MALRD1: variants seen among roughly 807,000 people sequenced by gnomAD.
MALRD1 encodes MAM and LDL-receptor class A domain-containing protein 1.
A neutral mutation model predicts 242.1 loss-of-function variants in MALRD1; 247 were observed. The observed-to-expected ratio is 1.02, with a 90% confidence interval of 0.92 to 1.13. The LOEUF is 1.13. Ranked by LOEUF, MALRD1 falls within the 50% of genes most tolerant of loss-of-function variation. MALRD1 has a pLI of 0.00. For synonymous variants in MALRD1, 995 were observed against 866.6 expected, an observed-to-expected ratio of 1.15 and a Z score of -2.60; for missense variants, 2,989 against 2,533.1, an observed-to-expected ratio of 1.18 and a Z score of -3.86.
In MALRD1 at chr10:19,205,182, G is replaced by A. The variant is rs1266754856; in HGVS notation, c.2495G>A (p.Arg832His). The A allele has an allele frequency of 5.5e-5, 86 of 1,550,726 alleles. No individual in the cohort carries two copies. The highest frequency in any genetic ancestry group is 6.9e-5 in the Non-Finnish European group (79 of 1,147,060). The part of the protein sequence containing the change: ...SCEGLDHFWC[R>H]HTRACIEKLR... The stretch of plus-strand genomic sequence containing the variant: ...GAAGGGCTGGATCATTTCTGGTGTC[G>A]CCACACCAGGGCTTGCATAGAAAAG... The change falls in exon 17 of 40, where the codon CGC becomes CAC. Residue 832 changes from arginine (R) to histidine (H), a missense_variant. Coordinates refer to ENST00000454679, the MANE Select transcript of MALRD1 (RefSeq NM_001142308.3).
At chr10:19,696,377 C>G (rs1395331581) in intron 38 of MALRD1, among the ~76,000 whole-genome samples, 1 of 152,084 alleles carries the variant, frequency 6.6e-6, no homozygotes, top group Admixed American at 6.6e-5. Context: ...ATCTTGAACA[C>G]CTGAGTTTGT....
At chr10:19,603,029 C>T (rs1204612132) in intron 34 of MALRD1, among the ~76,000 whole-genome samples, 2 of 152,008 alleles carry the variant, frequency 1.3e-5, no homozygotes, top group African/African-American at 2.4e-5. Context: ...CTTTGCCCAC[C>T]TGTTGATGGG....
rs1841407288 is a variant in MALRD1 at position 19,291,200 on chromosome 10, T to C, written c.3419+8019T>C. ...ATTCCCTTAAGCAAAATAAAGTTCC[T>C]CACACTTCATTCATGTGAAATGATG... On this transcript the variant is annotated intron_variant, in intron 21 of 39. Coordinates refer to ENST00000454679, the MANE Select transcript of MALRD1 (RefSeq NM_001142308.3). Among the ~76,000 whole-genome samples, 3 of 152,206 alleles carry C rather than the reference T, an allele frequency of 2.0e-5. No individual in the cohort carries two copies. In the South Asian group the frequency reaches 6.2e-4, roughly 32 times the overall value.
chr10:19,636,502 C>T (rs1840130324), intron 36 of MALRD1, among the ~76,000 whole-genome samples: 1 of 151,952 alleles, frequency 6.6e-6, no homozygotes, highest in African/African-American at 2.4e-5. Context: ...AAAAAAATTC[C>T]TCATGAACTT....
At chr10:19,138,240 A>G (rs1366500872) in intron 10 of MALRD1, among the ~76,000 whole-genome samples, 1 of 152,186 alleles carries the variant, frequency 6.6e-6, no homozygotes, top group Non-Finnish European at 1.5e-5. Context: ...TGTTCAAAAC[A>G]AACGATGTAA....
intron 36 of MALRD1, among the ~76,000 whole-genome samples, chr10:19,689,003 A>G (rs1589403596): frequency 6.6e-6 from 1 of 152,212 alleles, no homozygotes; most frequent in East Asian, 1.9e-4. Flanking sequence ...GGAAAGAAGA[A>G]GAGGAAAGAA....
At chr10:19,383,100 T>A (rs1845905812) in intron 26 of MALRD1, among the ~76,000 whole-genome samples, 1 of 152,138 alleles carries the variant, frequency 6.6e-6, no homozygotes, top group Admixed American at 6.6e-5. Flanking sequence ...GTTTGTTATA[T>A]AGGTAACTTG....
chr10:19,156,429 A>G (rs1173824381), intron 12 of MALRD1, among the ~76,000 whole-genome samples: 2 of 150,054 alleles, frequency 1.3e-5, no homozygotes, highest in Non-Finnish European at 3.0e-5. Flanking sequence ...ATCCTATAAG[A>G]TAGACAGAAA....
chr10:19,539,657 G>A (rs879945593), intron 32 of MALRD1, among the ~76,000 whole-genome samples: 5 of 151,852 alleles, frequency 3.3e-5, no homozygotes, highest in East Asian at 1.9e-4. Flanking sequence ...GACATGCCAC[G>A]CAATCCTTTT....
At chr10:19,121,584 A>G (rs1837066790) in intron 5 of MALRD1, among the ~76,000 whole-genome samples, 1 of 150,574 alleles carries the variant, frequency 6.6e-6, no homozygotes, top group South Asian at 2.1e-4. Flanking sequence ...GAAGGAAATG[A>G]TCTTGTAGAG....
chr10:19,284,218 G>A (rs1227661472), intron 21 of MALRD1, among the ~76,000 whole-genome samples: 1 of 150,170 alleles, frequency 6.7e-6, no homozygotes, highest in Non-Finnish European at 1.5e-5. Flanking sequence ...ATTTTCTAGT[G>A]TTGTAAGCAT....
At chr10:19,671,659 A>G (rs1464768858) in intron 36 of MALRD1, among the ~76,000 whole-genome samples, 22 of 152,232 alleles carry the variant, frequency 1.4e-4, no homozygotes, top group Admixed American at 1.4e-3. Flanking sequence ...ATTTATCGCT[A>G]CAAACACCAC....
At chr10:19,077,068 A>AT (rs1233939367) in intron 2 of MALRD1, among the ~76,000 whole-genome samples, 4 of 151,732 alleles carry the variant, frequency 2.6e-5, no homozygotes, top group African/African-American at 4.8e-5. Flanking sequence ...TTTAAATGAG[A>AT]TTTTTTCTTG....
chr10:19,687,214 C>A (rs1157607823), intron 36 of MALRD1, among the ~76,000 whole-genome samples: 1 of 152,024 alleles, frequency 6.6e-6, no homozygotes, highest in African/African-American at 2.4e-5. Flanking sequence ...TATTTATGGT[C>A]TTTATGGATC....
chr10:19,236,959 G>A (rs1838346950), intron 18 of MALRD1, among the ~76,000 whole-genome samples: 2 of 151,846 alleles, frequency 1.3e-5, no homozygotes, highest in African/African-American at 4.8e-5. Flanking sequence ...TGGTGGTTGA[G>A]AACATTTTAA....
At chr10:19,257,868 A>G (rs1170743696) in intron 19 of MALRD1, 97 bp downstream of exon 19, 3 of 778,968 alleles carry the variant, frequency 3.9e-6, no homozygotes, top group East Asian at 5.9e-5. Context: ...AATTTCCAAT[A>G]TGACCTTGCT....
In MALRD1 at chr10:19,283,141, C is replaced by T. The variant is rs1197992911; in HGVS notation, c.3379C>T (p.His1127Tyr). 1.3e-6 allele frequency: 2 copies of T among 1,549,142 alleles called. No individual in the cohort carries two copies. Among genetic ancestry groups the T allele is most frequent in the Admixed American group, 2.0e-5 (1 of 50,860 alleles). ...GCTTGGGAACGGGATCAGCATTCATCATGGGGAAGAAAACCACAGGCCATC... is the reference window on the plus strand; with the variant it reads ...GCTTGGGAACGGGATCAGCATTCATTATGGGGAAGAAAACCACAGGCCATC... ...WGLGNGISIH[H>Y]GEENHRPSVD... Residue 1127 changes from histidine (H) to tyrosine (Y), a missense_variant, in exon 21 of 40, where the codon CAT becomes TAT. By Grantham distance (83) the His-to-Tyr change is moderately conservative. Coordinates refer to ENST00000454679, the MANE Select transcript of MALRD1 (RefSeq NM_001142308.3).
intron 26 of MALRD1, among the ~76,000 whole-genome samples, chr10:19,381,278 A>G (rs1316290269): frequency 6.6e-6 from 1 of 151,104 alleles, no homozygotes; most frequent in Non-Finnish European, 1.5e-5. Context: ...CATGGTGTAT[A>G]TGTGCCACAT....
intron 28 of MALRD1, among the ~76,000 whole-genome samples, chr10:19,404,798 C>T (rs1847018070): frequency 6.6e-6 from 1 of 152,074 alleles, no homozygotes; most frequent in South Asian, 2.1e-4. Context: ...AATTTAATAA[C>T]TTCAATGTGA....
Sources: gnomAD v4.1 joint callset for allele counts (sites outside exome capture counted in the v4.1 genomes callset) on GRCh38, gnomAD v4.1.1 for gene constraint, MANE v1.5 for transcripts, NCBI Gene and HGNC (gene_info 2026-07-23, HGNC 2026-07-21) for gene names.